RAD52: variants seen among roughly 807,000 people sequenced by gnomAD.
The protein encoded by RAD52 is RAD52 DNA repair protein.
A neutral mutation model predicts 55.5 loss-of-function variants in RAD52; 47 were observed. The observed-to-expected ratio is 0.85, with a 90% CI of 0.67 to 1.08. The LOEUF (loss-of-function observed/expected upper bound fraction) is 1.08. Ranked by LOEUF, RAD52 falls within the 50% of genes least tolerant of loss-of-function variation. The pLI is 0.00. For missense variants in RAD52, 468 were observed against 522.8 expected (o/e 0.90, Z 1.02); for synonymous variants, 184 against 198.9 (o/e 0.92, Z 0.63).
intron 1 of RAD52, among the ~76,000 whole-genome samples, chr12:968,031 T>C (rs926271921): frequency 1.3e-5 from 2 of 152,126 alleles, no homozygotes; most frequent in African/African-American, 4.8e-5. Flanking sequence ...TACTATTTTA[T>C]GCCTTTCCCA....
chr12:959,365 G>T (rs1028048557), intron 1 of RAD52, among the ~76,000 whole-genome samples: 1 of 152,166 alleles, frequency 6.6e-6, no homozygotes, highest in Non-Finnish European at 1.5e-5. Flanking sequence ...CCCCTATCAG[G>T]AGTGAGCATT....
In RAD52 at chr12:929,868, T is replaced by C. The variant is rs1957235922; in HGVS notation, c.299A>G (p.Asn100Ser). 1 of 1,613,940 alleles carries C rather than the reference T, an allele frequency of 6.2e-7. No homozygotes were observed. The highest frequency in any genetic ancestry group is 1.7e-5 in the Admixed American group (1 of 59,998). Residue 100 changes from asparagine to serine, a missense_variant, in exon 5 of 12, where the codon AAT becomes AGT. Asn to Ser is a conservative substitution (Grantham distance 46). Coordinates refer to ENST00000358495, the MANE Select transcript of RAD52 (RefSeq NM_134424.4). The stretch of plus-strand genomic sequence containing the variant: ...ACAGACTCCCACGTAGAACTTGCCA[T>C]TGTTGAGGTCAACAAAATCTAGGAG... ...QQNVDFVDLNNGKFYVGVCAF... is the reference protein window; with the variant it reads ...QQNVDFVDLNSGKFYVGVCAF...
intron 1 of RAD52, among the ~76,000 whole-genome samples, chr12:971,172 C>T (rs1351594016): frequency 6.6e-6 from 1 of 152,098 alleles, no homozygotes; most frequent in African/African-American, 2.4e-5. Flanking sequence ...CCATTGGGGC[C>T]TAATATTTCC....
At chr12:982,171 T>A (rs1959026189) in intron 1 of RAD52, among the ~76,000 whole-genome samples, 2 of 149,772 alleles carry the variant, frequency 1.3e-5, no homozygotes, top group African/African-American at 4.9e-5. Flanking sequence ...TCCTTTAGGA[T>A]CCCAGAATTA....
At chr12:926,095 G>A (rs541884743) in intron 6 of RAD52, among the ~76,000 whole-genome samples, 1 of 152,260 alleles carries the variant, frequency 6.6e-6, no homozygotes, top group East Asian at 1.9e-4. Context: ...GGTGCGGCCT[G>A]GTGGGAGGTA....
chr12:944,356 G>A (rs1958079958), intron 1 of RAD52, among the ~76,000 whole-genome samples: 1 of 151,872 alleles, frequency 6.6e-6, no homozygotes, highest in Non-Finnish European at 1.5e-5. Context: ...TCTACAAGCA[G>A]CAAAACGTTA....
At chr12:964,191 G>A (rs1335952476) in intron 1 of RAD52, among the ~76,000 whole-genome samples, 1 of 152,190 alleles carries the variant, frequency 6.6e-6, no homozygotes, top group Non-Finnish European at 1.5e-5. Flanking sequence ...GAGCAGAAGA[G>A]TGATGTTTAT....
At chr12:937,839 A>G (rs1957719211) in intron 1 of RAD52, among the ~76,000 whole-genome samples, 1 of 152,136 alleles carries the variant, frequency 6.6e-6, no homozygotes, top group African/African-American at 2.4e-5. Context: ...GCACCTGTTT[A>G]TGGCAAGCTG....
At chr12:945,359 A>AAG (rs1205144311) in intron 1 of RAD52, among the ~76,000 whole-genome samples, 1 of 151,414 alleles carries the variant, frequency 6.6e-6, no homozygotes, top group Non-Finnish European at 1.5e-5. Context: ...AAAAAAAAAA[A>AAG]GTAGAAAAAA....
At position 919,230 on chromosome 12, in the gene RAD52, G is replaced by C. The variant is rs1956574938; in HGVS notation, c.544-2410C>G. ...GGAGGCTGAGGCAGGTGGATCACTTGAGGTCAGGAGTTTGAGATCACCCTG... is the reference window on the plus strand; with the variant it reads ...GGAGGCTGAGGCAGGTGGATCACTTCAGGTCAGGAGTTTGAGATCACCCTG... On this transcript the variant is annotated intron_variant, in intron 7 of 11. Coordinates refer to ENST00000358495, the MANE Select transcript of RAD52 (RefSeq NM_134424.4). Among the ~76,000 whole-genome samples the C allele has an allele frequency of 1.3e-5, 2 of 152,110 alleles. 1 individual carries two copies. The highest frequency in any genetic ancestry group is 4.1e-4 in the South Asian group (2 of 4,826).
chr12:982,913 G>C (rs763130048), intron 1 of RAD52, among the ~76,000 whole-genome samples: 12 of 151,922 alleles, frequency 7.9e-5, no homozygotes, highest in Admixed American at 3.3e-4. Context: ...GCAGTAGCAT[G>C]ATCTTGGCTC....
intron 1 of RAD52, among the ~76,000 whole-genome samples, chr12:939,835 G>A (rs567922577): frequency 7.4e-4 from 112 of 152,316 alleles, no homozygotes; most frequent in African/African-American, 2.7e-3. Flanking sequence ...CCAGCACTCT[G>A]GGAAGCTGAG....
chr12:956,027 G>C (rs1360983815), intron 1 of RAD52, among the ~76,000 whole-genome samples: 2 of 152,084 alleles, frequency 1.3e-5, no homozygotes, highest in Non-Finnish European at 2.9e-5. Context: ...GCTTAAATCT[G>C]GATTGATCTA....
At chr12:923,305 C>T (rs1303630814) in intron 7 of RAD52, among the ~76,000 whole-genome samples, 4 of 151,722 alleles carry the variant, frequency 2.6e-5, no homozygotes, top group African/African-American at 9.7e-5. Context: ...TTTGGGAGGC[C>T]GAGGCAGGAG....
chr12:969,541 C>G (rs1452071838), intron 1 of RAD52, among the ~76,000 whole-genome samples: 2 of 151,920 alleles, frequency 1.3e-5, no homozygotes, highest in Non-Finnish European at 2.9e-5. Context: ...AATTCCAACA[C>G]CTTGGGAGGC....
At chr12:951,138 G>A (rs940602775), upstream of RAD52, among the ~76,000 whole-genome samples, 1 of 152,040 alleles carries the variant, frequency 6.6e-6, no homozygotes. Context: ...AGGGTCTCAA[G>A]CTATCAAGCT....
At chr12:976,594 G>A (rs959907746) in intron 1 of RAD52, 2 of 152,232 alleles carry the variant, frequency 1.3e-5, no homozygotes, top group Non-Finnish European at 1.5e-5. Flanking sequence ...TGCCAGATAT[G>A]AGCGTGAATG....
chr12:948,163 T>C (rs745646680), intron 1 of RAD52, among the ~76,000 whole-genome samples: 15 of 151,948 alleles, frequency 9.9e-5, no homozygotes, highest in Admixed American at 2.0e-4. Flanking sequence ...ACATACAACA[T>C]AGATGGACTT....
chr12:921,811 T>C (rs1956741296), intron 7 of RAD52, among the ~76,000 whole-genome samples: 1 of 151,900 alleles, frequency 6.6e-6, no homozygotes, highest in Non-Finnish European at 1.5e-5. Flanking sequence ...AACAAGCATA[T>C]GAAAATATGG....
Sources: gnomAD v4.1 joint callset for allele counts (sites outside exome capture counted in the v4.1 genomes callset) on GRCh38, gnomAD v4.1.1 for gene constraint, MANE v1.5 for transcripts, NCBI Gene and HGNC (gene_info 2026-07-23, HGNC 2026-07-21) for gene names.